GPC6: variants seen among roughly 807,000 people sequenced by gnomAD.
The protein encoded by GPC6 is glypican 6, also known as glypican-6.
In GPC6, 14 loss-of-function variants were observed where a neutral mutation model predicts 55.2. The ratio of observed to expected loss-of-function variants is 0.25; its 90% confidence interval spans 0.17 to 0.40. The LOEUF (loss-of-function observed/expected upper bound fraction) is 0.40, where lower values mean the gene tolerates loss of function less well. Among genes scored for constraint, GPC6 ranks in the 10% least tolerant of loss-of-function variants. The pLI, the probability that GPC6 is intolerant of heterozygous loss-of-function variation, is 1.00. For missense variants in GPC6, 641 were observed against 708.5 expected (o/e 0.90, Z 1.08); for synonymous variants, 278 against 259.6 (o/e 1.07, Z -0.68).
At chr13:93,741,954 A>G (rs1158075728) in intron 2 of GPC6, among the ~76,000 whole-genome samples, 1 of 152,230 alleles carries the variant, frequency 6.6e-6, no homozygotes, top group Non-Finnish European at 1.5e-5. Flanking sequence ...TATTCCAGTA[A>G]GAACAGAGTC....
At chr13:93,573,666 CATTA>C (rs764832735) in intron 2 of GPC6, among the ~76,000 whole-genome samples, 10 of 152,064 alleles carry the variant, frequency 6.6e-5, no homozygotes, top group South Asian at 2.1e-4. Context: ...AGACCTAGTT[CATTA>C]ATAAATTTTA....
At chr13:93,289,300 A>G (rs1273535146) in intron 1 of GPC6, among the ~76,000 whole-genome samples, 2 of 152,130 alleles carry the variant, frequency 1.3e-5, no homozygotes, top group Non-Finnish European at 2.9e-5. Flanking sequence ...TCACTCCAGT[A>G]CTCCAATTCG....
chr13:94,080,207 C>G (rs940987341), intron 4 of GPC6, among the ~76,000 whole-genome samples: 8 of 152,160 alleles, frequency 5.3e-5, no homozygotes, highest in African/African-American at 1.9e-4. Flanking sequence ...TAAGAAAAGA[C>G]AGACTGCCTT....
intron 2 of GPC6, among the ~76,000 whole-genome samples, chr13:93,565,672 C>G (rs1458388085): frequency 6.6e-6 from 1 of 151,964 alleles, no homozygotes; most frequent in African/African-American, 2.4e-5. Context: ...ACCTTTAATC[C>G]CAGCACTTTG....
chr13:93,805,880 A>T (rs1886529681), intron 2 of GPC6, among the ~76,000 whole-genome samples: 1 of 152,076 alleles, frequency 6.6e-6, no homozygotes, highest in African/African-American at 2.4e-5. Flanking sequence ...CTTTCCCTGT[A>T]GCCTAAGCTT....
At chr13:93,585,252 A>T (rs934377838) in intron 2 of GPC6, among the ~76,000 whole-genome samples, 4 of 152,158 alleles carry the variant, frequency 2.6e-5, no homozygotes, top group Non-Finnish European at 4.4e-5. Flanking sequence ...CTTTTATGAA[A>T]AACAATCTCT....
chr13:93,776,595 A>G (rs887058637), intron 2 of GPC6, among the ~76,000 whole-genome samples: 2 of 151,604 alleles, frequency 1.3e-5, no homozygotes, highest in Non-Finnish European at 2.9e-5. Flanking sequence ...GTATGTTCAG[A>G]AAAAAAAAGA....
At position 93,690,289 on chromosome 13, in the gene GPC6, C is replaced by T. The variant is rs183716799; in HGVS notation, c.320-139865C>T. 1.9e-3 allele frequency among the ~76,000 whole-genome samples: 295 copies of T among 151,956 alleles called. 1 individual carries two copies. Among genetic ancestry groups the T allele is most frequent in the Middle Eastern group, 6.8e-3 (2 of 292 alleles). ...AAATTTAATTTGTGATAAATAATGG[C>T]TGTGGGTGGTAGTGCAAGTCAGGAG... On this transcript the variant is annotated intron_variant, in intron 2 of 8. Coordinates refer to ENST00000377047, the MANE Select transcript of GPC6 (RefSeq NM_005708.5).
chr13:93,360,255 A>T (rs1422703050), intron 1 of GPC6, among the ~76,000 whole-genome samples: 2 of 152,158 alleles, frequency 1.3e-5, no homozygotes, highest in African/African-American at 4.8e-5. Flanking sequence ...AGGTTGTGAG[A>T]TGGATTCAGA....
intron 1 of GPC6, among the ~76,000 whole-genome samples, chr13:93,365,960 T>G (rs1350210865): frequency 2.0e-5 from 3 of 152,108 alleles, no homozygotes; most frequent in Non-Finnish European, 2.9e-5. Flanking sequence ...ATTCTCCAGC[T>G]TTAGGATTTT....
chr13:94,057,386 A>G (rs910291421), intron 4 of GPC6, among the ~76,000 whole-genome samples: 5 of 152,182 alleles, frequency 3.3e-5, no homozygotes, highest in African/African-American at 7.2e-5. Context: ...TAATTATCCA[A>G]TGTTCATTGA....
At chr13:93,502,976 AAAG>A (rs1316425947) in intron 1 of GPC6, among the ~76,000 whole-genome samples, 1 of 152,194 alleles carries the variant, frequency 6.6e-6, no homozygotes, top group Non-Finnish European at 1.5e-5. Context: ...AATTTTAAAA[AAAG>A]AAGAGTTTAA....
chr13:93,360,856 CA>C (rs1170953978), intron 1 of GPC6, among the ~76,000 whole-genome samples: 6 of 152,236 alleles, frequency 3.9e-5, no homozygotes, highest in Middle Eastern at 3.4e-3. Flanking sequence ...TGTTTGCAGG[CA>C]GACTTAGAGG....
chr13:93,975,591 T>C (rs1437717901), intron 3 of GPC6, among the ~76,000 whole-genome samples: 1 of 152,154 alleles, frequency 6.6e-6, no homozygotes, highest in Non-Finnish European at 1.5e-5. Flanking sequence ...ATAAATGAGT[T>C]TTTTATTGAA....
chr13:93,340,336 A>G (rs956452032), intron 1 of GPC6, among the ~76,000 whole-genome samples: 2 of 152,130 alleles, frequency 1.3e-5, no homozygotes, highest in African/African-American at 2.4e-5. Flanking sequence ...GCCCGGCCCA[A>G]AAGTTTTCTT....
At chr13:93,845,875 C>T (rs946998733) in intron 3 of GPC6, among the ~76,000 whole-genome samples, 3 of 149,176 alleles carry the variant, frequency 2.0e-5, no homozygotes, top group Admixed American at 6.7e-5. Flanking sequence ...GGAGATATAT[C>T]TAATGCTAGA....
chr13:93,415,634 C>T (rs941514312), intron 1 of GPC6, among the ~76,000 whole-genome samples: 1 of 152,072 alleles, frequency 6.6e-6, no homozygotes, highest in African/African-American at 2.4e-5. Context: ...TGCTTTCTAG[C>T]ACCAATACAG....
chr13:93,787,297 C>T (rs1185053292), intron 2 of GPC6, among the ~76,000 whole-genome samples: 3 of 152,152 alleles, frequency 2.0e-5, no homozygotes, highest in African/African-American at 7.2e-5. Context: ...TAAATATTTT[C>T]TGCTTTGTGG....
intron 3 of GPC6, among the ~76,000 whole-genome samples, chr13:93,832,446 CT>C (rs1434712056): frequency 1.3e-5 from 2 of 151,938 alleles, no homozygotes; most frequent in African/African-American, 4.8e-5. Context: ...TGTAGCCAGC[CT>C]TTGAGAAATA....
Sources: allele counts gnomAD v4.1 joint callset (sites outside exome capture counted in the v4.1 genomes callset), GRCh38; gene constraint gnomAD v4.1.1; transcripts MANE v1.5; gene names NCBI Gene and HGNC (gene_info 2026-07-23, HGNC 2026-07-21).